The following SATB1 variants were observed in gnomAD, a reference collection of about 807,000 sequenced individuals.
SATB1 encodes the protein SATB homeobox 1, also known as DNA-binding protein SATB1.
In SATB1, 11 loss-of-function variants were observed where a neutral mutation model predicts 86.9. The observed-to-expected ratio is 0.13, with a 90% CI of 0.08 to 0.21. The LOEUF is 0.21. Among genes scored for constraint, SATB1 ranks in the 10% least tolerant of loss-of-function variants. SATB1 has a pLI of 1.00. For synonymous variants in SATB1, 357 were observed against 357.2 expected, an observed-to-expected ratio of 1.00 and a Z score of 0.01; for missense variants, 551 against 937.6, an observed-to-expected ratio of 0.59 and a Z score of 5.39.
rs927865749 is a variant in SATB1, at chr3:18,349,313, C to T, written c.2149G>A (p.Ala717Thr). The change falls in exon 11 of 11, where the codon GCA (alanine) becomes ACA (threonine). Residue 717 changes from alanine (A) to threonine (T), a missense_variant. Transcript: ENST00000338745. The surrounding 1 kb of genome is among the most constrained non-coding windows in gnomAD (Gnocchi z 5.5). ...KDNSGLEVDVAEYKEEELLKD... is the reference protein window; with the variant it reads ...KDNSGLEVDVTEYKEEELLKD... ...AGCAGCTCCTCTTCTTTATATTCTG[C>T]CACATCGACCTCTAAACCGGAATTG... 1.2e-6 allele frequency: 2 copies of T among 1,614,076 alleles called. No individual in the cohort carries two copies. The highest frequency in any genetic ancestry group is 1.3e-5 in the African/African-American group (1 of 74,928).
Position 18,414,387 on chromosome 3 carries a change from T to C in SATB1, c.639+724A>G, listed in dbSNP as rs956431753. Among the ~76,000 whole-genome samples, 10 of 152,036 alleles carry C rather than the reference T, an allele frequency of 6.6e-5. No individual in the cohort carries two copies. The South Asian group carries it at 1.9e-3, about 28-fold the overall frequency. On this transcript the variant is annotated intron_variant, in intron 5 of 10. Coordinates refer to ENST00000338745, the MANE Select transcript of SATB1 (RefSeq NM_002971.6). ...TGTCTATAAGCAGGTAGGCAGTCTC[T>C]ATCTAGAGTTTTAGCTGCCCTCCAC...
intron 2 of SATB1, among the ~76,000 whole-genome samples, chr3:18,419,221 C>T (rs1006908148): frequency 2.0e-5 from 3 of 152,124 alleles, no homozygotes; most frequent in South Asian, 2.1e-4. Flanking sequence ...GTTACCCTCC[C>T]GTTTCTGGGA....
chr3:18,345,738 C>T lies in SATB1; in HGVS notation c.*3432G>A, dbSNP rs562028640. 1.1e-3 allele frequency: 160 copies of T among 152,214 alleles called. 1 individual carries two copies. Among genetic ancestry groups the T allele is most frequent in the African/African-American group, 3.6e-3 (151 of 41,558 alleles). 9.4% of individuals were successfully genotyped at this position (152,214 alleles called of 1,614,324 possible). A position where few individuals can be genotyped will look rare whatever the true frequency, so the allele number is the denominator to read the frequency against. ...AAATTTCCAACTTGCTTTAACACAA[C>T]AGTTCTATCAGCTGTATTAGAGGGA... is the stretch of plus-strand genomic sequence containing the variant. On this transcript the variant is annotated 3_prime_UTR_variant, in exon 11 of 11. Coordinates refer to ENST00000338745, the MANE Select transcript of SATB1 (RefSeq NM_002971.6).
At chr3:18,396,878 A>T (rs1186368667) in intron 6 of SATB1, among the ~76,000 whole-genome samples, 1 of 152,188 alleles carries the variant, frequency 6.6e-6, no homozygotes, top group Non-Finnish European at 1.5e-5. Flanking sequence ...ATCACAGCTA[A>T]TATTAGTTAT....
At chr3:18,376,267 T>A (rs1050282746) in intron 9 of SATB1, among the ~76,000 whole-genome samples, 2 of 89,982 alleles carry the variant, frequency 2.2e-5, no homozygotes, top group African/African-American at 4.0e-5. Flanking sequence ...GAAAGGAAAA[T>A]GATGGCGGGG....
chr3:18,415,867 TAGGGTA>T, intron 4 of SATB1, 134 bp downstream of exon 4: 1 of 610,458 alleles, frequency 1.6e-6, no homozygotes, highest in Non-Finnish European at 2.6e-6. Context: ...GGCAGAAGGA[TAGGGTA>T]ACAAAATCGA....
upstream of SATB1, among the ~76,000 whole-genome samples, chr3:18,443,433 G>A (rs564589566): frequency 8.9e-4 from 136 of 152,336 alleles, no homozygotes; most frequent in South Asian, 2.3e-3. This position sits in a 1 kb window ranked among gnomAD's most constrained non-coding sequence, Gnocchi z 4.4. Context: ...ATGCCACTGA[G>A]AAAGTTCGCC....
Position 18,352,863 on chromosome 3 carries a change from GT to G in SATB1, c.1576-669del, listed in dbSNP as rs1694440371. 1 of 152,426 alleles carries G rather than the reference GT, an allele frequency of 6.6e-6. No individual in the cohort carries two copies. The highest frequency in any genetic ancestry group is 2.4e-5 in the African/African-American group (1 of 41,428). The allele number at this position is 152,426 out of a possible 1,614,324, so 9.4% of individuals were successfully genotyped here. On this transcript the variant is annotated intron_variant, in intron 9 of 10. Transcript: ENST00000338745. The surrounding 1 kb of genome is among the most constrained non-coding windows in gnomAD (Gnocchi z 4.1). ...GATTTGTCAGGCAAGAATTTAATAG[GT>G]TTCTTGGGCTAAGAGAGAAGGAAAT...
upstream of SATB1, among the ~76,000 whole-genome samples, chr3:18,443,482 C>T (rs528700898): frequency 3.3e-4 from 50 of 152,346 alleles, no homozygotes; most frequent in South Asian, 7.9e-3. The surrounding 1 kb of genome is among the most constrained non-coding windows in gnomAD (Gnocchi z 4.4). Context: ...AACCAGGACA[C>T]TTTGAGAGAG....
Position 18,394,746 on chromosome 3 carries a change from C to T in SATB1, c.922G>A (p.Val308Ile), listed in dbSNP as rs767699690. The change falls in exon 7 of 11, where the codon GTA (valine) becomes ATA (isoleucine). Residue 308 changes from valine (V) to isoleucine (I), a missense_variant. Physicochemically the swap from Val to Ile is conservative, Grantham distance 29 (BLOSUM62 3). Coordinates refer to ENST00000338745, the MANE Select transcript of SATB1 (RefSeq NM_002971.6). The surrounding 1 kb of genome is among the most constrained non-coding windows in gnomAD (Gnocchi z 5.9). ...TPLPNLHPGLVSTPISPQLVN... is the reference protein window; with the variant it reads ...TPLPNLHPGLISTPISPQLVN... ...AATTGAGGACTGATAGGTGTTGATA[C>T]GAGCCCAGGGTGCAGGTTTGGAAGA... 10 of 1,613,954 alleles carry T rather than the reference C, an allele frequency of 6.2e-6. No individual in the cohort carries two copies. Among genetic ancestry groups the T allele is most frequent in the Admixed American group, 5.0e-5 (3 of 59,992 alleles).
chr3:18,361,350 C>T (rs1694897171), intron 9 of SATB1, among the ~76,000 whole-genome samples: 1 of 152,016 alleles, frequency 6.6e-6, no homozygotes, highest in South Asian at 2.1e-4. Flanking sequence ...TAAAATAATT[C>T]ATGAAAAGGG....
chr3:18,370,142 A>G (rs768098115), intron 9 of SATB1, among the ~76,000 whole-genome samples: 5 of 152,316 alleles, frequency 3.3e-5, no homozygotes, highest in Non-Finnish European at 5.9e-5. Flanking sequence ...CAGATTAGTG[A>G]AAATGTTCTT....
rs1337880346 is a variant in SATB1 at position 18,352,378 on chromosome 3, ACT to A, written c.1576-185_1576-184del. On this transcript the variant is annotated intron_variant, in intron 9 of 10. Coordinates refer to ENST00000338745, the MANE Select transcript of SATB1 (RefSeq NM_002971.6). This position sits in a 1 kb window ranked among gnomAD's most constrained non-coding sequence, Gnocchi z 4.1. ...TTATCTGTGGCTGTCAAGGAGGCAGACTCTGTTTCTAATCAAAGTTCAGATTT... is the reference window on the plus strand; with the variant it reads ...TTATCTGTGGCTGTCAAGGAGGCAGACTGTTTCTAATCAAAGTTCAGATTT... The A allele has an allele frequency of 5.1e-5, 29 of 570,124 alleles. No individual in the cohort carries two copies. Among genetic ancestry groups the A allele is most frequent in the South Asian group, 3.9e-4 (17 of 43,930 alleles). 35.3% of individuals were successfully genotyped at this position (570,124 alleles called of 1,614,324 possible).
chr3:18,388,821 A>G (rs1696481599), intron 7 of SATB1, among the ~76,000 whole-genome samples: 1 of 152,168 alleles, frequency 6.6e-6, no homozygotes, highest in African/African-American at 2.4e-5. Context: ...GGAAACTTGA[A>G]ATTAGGTATT....
chr3:18,389,668 T>C (rs1446771608), intron 7 of SATB1, among the ~76,000 whole-genome samples: 3 of 152,106 alleles, frequency 2.0e-5, no homozygotes, highest in Non-Finnish European at 4.4e-5. Flanking sequence ...ATGTACCTTA[T>C]TTATGTCATA....
chr3:18,365,181 G>A (rs1695122596), intron 9 of SATB1, among the ~76,000 whole-genome samples: 1 of 151,994 alleles, frequency 6.6e-6, no homozygotes, highest in South Asian at 2.1e-4. Flanking sequence ...TGTTTTCCTG[G>A]TCCTGTTACA....
At chr3:18,419,539 G>T (rs1256300422) in intron 2 of SATB1, among the ~76,000 whole-genome samples, 1 of 152,170 alleles carries the variant, frequency 6.6e-6, no homozygotes, top group Non-Finnish European at 1.5e-5. Flanking sequence ...AGAGACAGCT[G>T]AAATCTCCTA....
chr3:18,418,601 C>T (rs1698235301), intron 2 of SATB1, among the ~76,000 whole-genome samples: 1 of 152,132 alleles, frequency 6.6e-6, no homozygotes, highest in Non-Finnish European at 1.5e-5. Flanking sequence ...GAGACCACAG[C>T]AAAAATAGCA....
intron 8 of SATB1, among the ~76,000 whole-genome samples, chr3:18,380,396 T>C (rs1695986369): frequency 6.6e-6 from 1 of 152,194 alleles, no homozygotes; most frequent in African/African-American, 2.4e-5. Context: ...TAATCATTTG[T>C]TTCAACCCTG....
Sources: allele counts gnomAD v4.1 joint callset (sites outside exome capture counted in the v4.1 genomes callset), GRCh38; gene constraint gnomAD v4.1.1; non-coding constraint Gnocchi (gnomAD v3.1); transcripts MANE v1.5; gene names NCBI Gene and HGNC (gene_info 2026-07-23, HGNC 2026-07-21).